Variants in OSBPL10 observed in about 807,000 individuals in gnomAD.
OSBPL10 encodes the protein oxysterol-binding protein-related protein 10.
OSBPL10 carries 49 observed loss-of-function variants against 81.7 expected under a neutral mutation model. The ratio of observed to expected loss-of-function variants is 0.60; its 90% CI spans 0.48 to 0.76. OSBPL10 has a LOEUF of 0.76. Ranked by LOEUF, OSBPL10 falls within the 30% of genes least tolerant of loss-of-function variation. The probability of loss-of-function intolerance (pLI) is 0.00; values close to 1 mark genes in which losing one functional copy is unlikely to be tolerated. For missense variants in OSBPL10, 923 were observed against 987.8 expected, an observed-to-expected ratio of 0.93 and a Z score of 0.88; for synonymous variants, 419 against 383.6, an observed-to-expected ratio of 1.09 and a Z score of -1.08.
chr3:31,681,830 G>A (rs908876600), intron 8 of OSBPL10, among the ~76,000 whole-genome samples: 4 of 151,972 alleles, frequency 2.6e-5, no homozygotes, highest in African/African-American at 7.3e-5. Context: ...TCTCAGCCAG[G>A]ACCCTCCCTA....
chr3:31,785,709 C>T (rs950872805), intron 4 of OSBPL10, among the ~76,000 whole-genome samples: 3 of 151,966 alleles, frequency 2.0e-5, no homozygotes, highest in Admixed American at 2.0e-4. Context: ...CAGTCCTGAA[C>T]ATTTTCTGTT....
rs1316079626 is a variant in OSBPL10, at chr3:31,747,947, G to A, written c.903C>T (p.His301=). The change falls in exon 5 of 12, where the codon CAC becomes CAT. Residue 301 remains histidine, a synonymous_variant. Transcript: ENST00000396556. Reference sequence around the variant, plus strand: ...GCTTCTGGCTGGGCTGGCCCGCCTGGTGCACACTCTGCTGTAACAAGTTGA... The same window carrying A: ...GCTTCTGGCTGGGCTGGCCCGCCTGATGCACACTCTGCTGTAACAAGTTGA... ...ECLNLLQQSV[H]QAGQPSQKPG... is the part of the protein sequence containing the mutation. 6.2e-6 allele frequency: 10 copies of A among 1,613,868 alleles called. No homozygotes were observed. The Admixed American group carries it at 1.7e-4, about 27-fold the overall frequency.
In OSBPL10 at chr3:31,794,693, G is replaced by A. The variant is rs555017374; in HGVS notation, c.729+35347C>T. 6 of 301,782 alleles carry A rather than the reference G, an allele frequency of 2.0e-5. No individual in the cohort carries two copies. In the South Asian group the frequency reaches 2.6e-4, roughly 13 times the overall value. The allele number at this position is 301,782 out of a possible 1,614,324, so 18.7% of individuals were successfully genotyped here. A position where few individuals can be genotyped will look rare whatever the true frequency, so the allele number is the denominator to read the frequency against. The stretch of plus-strand genomic sequence containing the variant: ...TATAAGCAGAGCATTTCTATACAAA[G>A]AGAGTCTCAGGTCAGGACTCTGAGG... On this transcript the variant is annotated intron_variant, in intron 4 of 11. Coordinates refer to ENST00000396556, the MANE Select transcript of OSBPL10 (RefSeq NM_017784.5).
chr3:31,947,352 C>T (rs1697731821), intron 1 of OSBPL10, among the ~76,000 whole-genome samples: 1 of 152,182 alleles, frequency 6.6e-6, no homozygotes, highest in Non-Finnish European at 1.5e-5. Context: ...GTGCCAATTC[C>T]TCCACCCAAC....
intron 7 of OSBPL10, among the ~76,000 whole-genome samples, chr3:31,694,090 G>A (rs926901150): frequency 6.6e-6 from 1 of 152,140 alleles, no homozygotes; most frequent in South Asian, 2.1e-4. Flanking sequence ...ATGTTTGCTG[G>A]CCGGGTGCAA....
intron 1 of OSBPL10, among the ~76,000 whole-genome samples, chr3:32,068,957 T>C (rs182432660): frequency 0.023 from 3,453 of 151,996 alleles, 137 homozygotes; most frequent in African/African-American, 0.079. Flanking sequence ...CCTGCTCCCC[T>C]ACCCTATAAC....
At chr3:31,902,054 A>C (rs1008491179) in intron 1 of OSBPL10, among the ~76,000 whole-genome samples, 2 of 152,116 alleles carry the variant, frequency 1.3e-5, no homozygotes, top group Non-Finnish European at 2.9e-5. Context: ...CAAACAAAAA[A>C]GGGCATTTAA....
At chr3:31,787,233 G>A (rs1698881152) in intron 4 of OSBPL10, among the ~76,000 whole-genome samples, 1 of 152,108 alleles carries the variant, frequency 6.6e-6, no homozygotes, top group Non-Finnish European at 1.5e-5. Flanking sequence ...CTAAAAATTA[G>A]GCTTCAGGGG....
chr3:31,799,740 C>A (rs1382624437), intron 4 of OSBPL10, among the ~76,000 whole-genome samples: 1 of 152,226 alleles, frequency 6.6e-6, no homozygotes, highest in African/African-American at 2.4e-5. Flanking sequence ...CAGAAACTTA[C>A]AAGCAAACAG....
chr3:31,927,801 A>G (rs1037110206), intron 1 of OSBPL10, among the ~76,000 whole-genome samples: 1 of 152,210 alleles, frequency 6.6e-6, no homozygotes, highest in Non-Finnish European at 1.5e-5. Context: ...AAACATGCGT[A>G]AAGAGGCTGA....
intron 3 of OSBPL10, among the ~76,000 whole-genome samples, chr3:31,861,362 A>C (rs1214805287): frequency 6.6e-6 from 1 of 152,140 alleles, no homozygotes; most frequent in Admixed American, 6.5e-5. Context: ...ATCACCTCTA[A>C]ATTACTTATA....
At chr3:31,772,681 G>A (rs1301175731) in intron 4 of OSBPL10, among the ~76,000 whole-genome samples, 3 of 152,168 alleles carry the variant, frequency 2.0e-5, no homozygotes, top group African/African-American at 7.2e-5. Flanking sequence ...GCAAAGCCCT[G>A]CCTTGTTTGC....
chr3:31,783,268 ACAT>A (rs1698751672), intron 4 of OSBPL10, among the ~76,000 whole-genome samples: 1 of 151,720 alleles, frequency 6.6e-6, no homozygotes, highest in African/African-American at 2.4e-5. Context: ...GGAAAACCAA[ACAT>A]CATATGTTCT....
In OSBPL10 at chr3:31,830,132, G is replaced by A; in HGVS notation, c.637C>T (p.Pro213Ser). 2 of 1,614,090 alleles carry A rather than the reference G, an allele frequency of 1.2e-6. No homozygotes were observed. Among genetic ancestry groups the A allele is most frequent in the Non-Finnish European group, 1.7e-6 (2 of 1,180,002 alleles). Reference sequence around the variant, plus strand: ...TGATGCGTGATTGTGACAACACCGGGGGCCCCCACACTGAGGTGTCTCTGG... The same window carrying A: ...TGATGCGTGATTGTGACAACACCGGAGGCCCCCACACTGAGGTGTCTCTGG... Reference protein sequence around the residue: ...CSQRHLSVGAPGVVTITHHKS... With the variant: ...CSQRHLSVGASGVVTITHHKS... Residue 213 changes from proline to serine, a missense_variant, in exon 4 of 12, where the codon CCC (proline) becomes TCC (serine). By Grantham distance (74) the Pro-to-Ser change is moderately conservative. Coordinates refer to ENST00000396556, the MANE Select transcript of OSBPL10 (RefSeq NM_017784.5).
chr3:32,004,933 G>A (rs763082383), intron 2 of OSBPL10, among the ~76,000 whole-genome samples: 1 of 152,098 alleles, frequency 6.6e-6, no homozygotes, highest in Non-Finnish European at 1.5e-5. Context: ...TCCCACTTAT[G>A]TTTCTCCCCA....
chr3:31,701,452 G>A (rs1384796812), intron 7 of OSBPL10, among the ~76,000 whole-genome samples: 2 of 152,160 alleles, frequency 1.3e-5, no homozygotes, highest in Non-Finnish European at 1.5e-5. Context: ...ATAGCATTTC[G>A]TAAGGATAAG....
chr3:31,908,037 A>G (rs1269882754), intron 1 of OSBPL10, among the ~76,000 whole-genome samples: 2 of 152,276 alleles, frequency 1.3e-5, no homozygotes, highest in East Asian at 1.9e-4. Flanking sequence ...CTGAGCAAAG[A>G]CTGGAAGGAA....
chr3:31,862,080 C>T (rs1406534926), intron 3 of OSBPL10, among the ~76,000 whole-genome samples: 3 of 152,204 alleles, frequency 2.0e-5, no homozygotes, highest in Non-Finnish European at 2.9e-5. Flanking sequence ...AAAGCTGCCA[C>T]ATGCCAGGCT....
In OSBPL10 at chr3:31,683,860, A is replaced by T; in HGVS notation, c.1500T>A (p.Pro500=). The T allele has an allele frequency of 6.2e-7, 1 of 1,614,230 alleles. No individual in the cohort carries two copies. The highest frequency in any genetic ancestry group is 8.5e-7 in the Non-Finnish European group (1 of 1,180,052). ...CAGGAGAGCGGGAAGCAGTCCTCTT[A>T]GGCTTGACCCTGTCCTTGGGAACTT... The part of the protein sequence containing the change: ...SWEVPKDRVK[P]KRTASRSPAS... Residue 500 remains proline, a synonymous_variant, in exon 8 of 12, where the codon CCT becomes CCA. Coordinates refer to ENST00000396556, the MANE Select transcript of OSBPL10 (RefSeq NM_017784.5).
Sources: allele counts gnomAD v4.1 joint callset (sites outside exome capture counted in the v4.1 genomes callset), GRCh38; gene constraint gnomAD v4.1.1; transcripts MANE v1.5; gene names NCBI Gene and HGNC (gene_info 2026-07-23, HGNC 2026-07-21).